RIN2: variants seen among roughly 807,000 people sequenced by gnomAD.
RIN2 encodes the protein RAB5 interacting protein 2.
In RIN2, 36 loss-of-function variants were observed where a neutral mutation model predicts 78.0. That is an observed-to-expected ratio of 0.46 (90% CI 0.35 to 0.61). The LOEUF (loss-of-function observed/expected upper bound fraction) is 0.61. Ranked by LOEUF, RIN2 falls within the 20% of genes least tolerant of loss-of-function variation. RIN2 has a pLI of 0.00. For synonymous variants in RIN2, 466 were observed against 466.8 expected, an observed-to-expected ratio of 1.00 and a Z score of 0.02; for missense variants, 1,087 against 1,159.7, an observed-to-expected ratio of 0.94 and a Z score of 0.91.
intron 9 of RIN2, among the ~76,000 whole-genome samples, chr20:19,989,256 T>G (rs2042718477): frequency 6.7e-6 from 1 of 148,958 alleles, no homozygotes; most frequent in African/African-American, 2.5e-5. Context: ...GTGGATCTAT[T>G]TCCTCAGAAA....
intron 1 of RIN2, among the ~76,000 whole-genome samples, chr20:19,791,799 A>G (rs890406594): frequency 2.6e-5 from 4 of 152,224 alleles, no homozygotes; most frequent in African/African-American, 4.8e-5. Context: ...ATGCAAACTC[A>G]GCACTGGGGT....
rs553685365 is a variant in RIN2 at position 19,969,280 on chromosome 20, G to A, written c.537-1558G>A. ...GGAAATTCTCAGCACGTCTCATGAT[G>A]ACAAAGTCCAGGCAGGACTCCAAGT... On this transcript the variant is annotated intron_variant, in intron 7 of 12. Coordinates refer to ENST00000255006, the MANE Select transcript of RIN2 (RefSeq NM_018993.4). 6.6e-5 allele frequency among the ~76,000 whole-genome samples: 10 copies of A among 152,300 alleles called. No homozygotes were observed. In the South Asian group the frequency reaches 1.9e-3, roughly 28 times the overall value.
At chr20:19,794,501 C>T (rs1292717190) in intron 1 of RIN2, among the ~76,000 whole-genome samples, 1 of 141,252 alleles carries the variant, frequency 7.1e-6, no homozygotes, top group Non-Finnish European at 1.5e-5. Context: ...CACTGCACTC[C>T]AGCCTAAGCA....
In RIN2 at chr20:19,758,281, C is replaced by T. The variant is rs2122243281; in HGVS notation, c.-209C>T. 6.6e-6 allele frequency: 1 copy of T among 152,522 alleles called. No individual in the cohort carries two copies. The highest frequency in any genetic ancestry group is 2.4e-5 in the African/African-American group (1 of 41,572). 9.4% of individuals were successfully genotyped at this position (152,522 alleles called of 1,614,324 possible). ...CCAGCCCCGCGCTCGTCTTTGGGGC[C>T]ACCGGTCGCCCCCGCCTCCGGGACC... On this transcript the variant is annotated 5_prime_UTR_variant, in exon 1 of 13. Coordinates refer to ENST00000255006, the MANE Select transcript of RIN2 (RefSeq NM_018993.4).
Position 19,928,742 on chromosome 20 carries a change from G to A in RIN2, c.58-6357G>A, listed in dbSNP as rs6046459. 3.4e-3 allele frequency among the ~76,000 whole-genome samples: 518 copies of A among 152,262 alleles called. 6 individuals are homozygous for A. Among genetic ancestry groups the A allele is most frequent in the African/African-American group, 0.012 (500 of 41,546 alleles). On this transcript the variant is annotated intron_variant, in intron 3 of 12. Transcript: ENST00000255006. Reference sequence around the variant, plus strand: ...GGTGTGTTATGCACGAATGCAGGACGAGGGAGTGGACCCAACCCCTGACCT... The same window carrying A: ...GGTGTGTTATGCACGAATGCAGGACAAGGGAGTGGACCCAACCCCTGACCT...
intron 1 of RIN2, among the ~76,000 whole-genome samples, chr20:19,773,589 C>T (rs1220082113): frequency 2.6e-5 from 4 of 152,076 alleles, no homozygotes; most frequent in Non-Finnish European, 4.4e-5. Context: ...AAGGGCCAAG[C>T]GAGGTGGGTG....
chr20:19,901,865 A>G (rs1352248725), intron 3 of RIN2, among the ~76,000 whole-genome samples: 1 of 151,942 alleles, frequency 6.6e-6, no homozygotes, highest in Non-Finnish European at 1.5e-5. Flanking sequence ...ACAGACACAA[A>G]AATTAGCCGG....
chr20:19,971,176 G>A (rs1019896235), intron 8 of RIN2, among the ~76,000 whole-genome samples: 4 of 141,774 alleles, frequency 2.8e-5, no homozygotes, highest in Non-Finnish European at 6.0e-5. Flanking sequence ...AGTGCATCTC[G>A]CGTGCATGAT....
At chr20:19,841,062 C>T (rs2036561352) in intron 2 of RIN2, among the ~76,000 whole-genome samples, 1 of 152,024 alleles carries the variant, frequency 6.6e-6, no homozygotes, top group Non-Finnish European at 1.5e-5. Context: ...TCGTTAACTA[C>T]CCGGCAAGGA....
intron 3 of RIN2, among the ~76,000 whole-genome samples, chr20:19,902,877 A>G (rs939414564): frequency 5.3e-5 from 8 of 152,054 alleles, no homozygotes; most frequent in African/African-American, 1.9e-4. Context: ...GTGGATCACA[A>G]TGTCAGGAGA....
Position 19,988,923 on chromosome 20 carries a change from G to A in RIN2, c.1763-1083G>A, listed in dbSNP as rs559461018. On this transcript the variant is annotated intron_variant, in intron 9 of 12. Transcript: ENST00000255006. ...TCTTCACACACACACACACACACGC[G>A]TGCACACACACAGATACATGCACGT... Among the ~76,000 whole-genome samples the A allele has an allele frequency of 3.2e-3, 489 of 150,992 alleles. 2 individuals are homozygous for A. Among genetic ancestry groups the A allele is most frequent in the African/African-American group, 0.011 (463 of 40,772 alleles).
intron 2 of RIN2, among the ~76,000 whole-genome samples, chr20:19,814,126 T>TA (rs2035687625): frequency 6.6e-6 from 1 of 152,222 alleles, no homozygotes; most frequent in Admixed American, 6.5e-5. Flanking sequence ...TTTTGTTATG[T>TA]TCTTACTGGC....
At chr20:19,828,126 T>C (rs555991547) in intron 2 of RIN2, among the ~76,000 whole-genome samples, 16 of 152,320 alleles carry the variant, frequency 1.1e-4, no homozygotes, top group African/African-American at 3.8e-4. Context: ...GAACTTCCCA[T>C]TCTGTTTGAT....
At chr20:19,871,752 G>C (rs1351846398) in intron 2 of RIN2, 2 of 152,144 alleles carry the variant, frequency 1.3e-5, no homozygotes, top group Non-Finnish European at 2.9e-5. Flanking sequence ...TGTACGCATC[G>C]CGGCTTCTCT....
intron 11 of RIN2, among the ~76,000 whole-genome samples, chr20:19,995,889 A>G (rs1601089382): frequency 6.6e-6 from 1 of 152,342 alleles, no homozygotes; most frequent in East Asian, 1.9e-4. Flanking sequence ...GCCAAGAGCA[A>G]GTGTTGCCAC....
intron 2 of RIN2, among the ~76,000 whole-genome samples, chr20:19,844,600 CCTCTTCTTCTTCTTCTTCTTCT>C (rs2036683120): frequency 6.7e-5 from 5 of 74,898 alleles, no homozygotes; most frequent in East Asian, 4.6e-4. Flanking sequence ...GCTGCTTCTT[CCTCTTCTTCTTCTTCTTCTTCT>C]TCTTCTTCTT....
intron 2 of RIN2, among the ~76,000 whole-genome samples, chr20:19,819,479 G>A (rs2035866989): frequency 4.6e-5 from 7 of 152,222 alleles, no homozygotes; most frequent in Admixed American, 3.9e-4. Flanking sequence ...TTCATAACAA[G>A]AGGGGACTTT....
At chr20:19,819,034 G>GTGC (rs1445787276) in intron 2 of RIN2, among the ~76,000 whole-genome samples, 1 of 152,220 alleles carries the variant, frequency 6.6e-6, no homozygotes, top group Non-Finnish European at 1.5e-5. Context: ...GTGTGTGCAT[G>GTGC]TGCACGTGGG....
intron 4 of RIN2, among the ~76,000 whole-genome samples, chr20:19,947,942 A>G (rs1321022131): frequency 6.6e-6 from 1 of 152,202 alleles, no homozygotes; most frequent in Non-Finnish European, 1.5e-5. Context: ...GACATGGGAG[A>G]GAAAGTCCTG....
Sources: gnomAD v4.1 joint callset for allele counts (sites outside exome capture counted in the v4.1 genomes callset) on GRCh38, gnomAD v4.1.1 for gene constraint, MANE v1.5 for transcripts, NCBI Gene and HGNC (gene_info 2026-07-23, HGNC 2026-07-21) for gene names.